Variants in RNF38 observed in about 807,000 individuals in gnomAD.
The protein encoded by RNF38 is E3 ubiquitin-protein ligase RNF38.
RNF38 carries 15 observed loss-of-function variants against 67.2 expected under a neutral mutation model. The ratio of observed to expected loss-of-function variants is 0.22; its 90% CI spans 0.15 to 0.34. The LOEUF (loss-of-function observed/expected upper bound fraction) is 0.34, where lower values mean the gene tolerates loss of function less well. Ranked by LOEUF, RNF38 falls within the 10% of genes least tolerant of loss-of-function variation. RNF38 has a pLI of 1.00. For missense variants in RNF38, 524 were observed against 639.9 expected, an observed-to-expected ratio of 0.82 and a Z score of 1.95; for synonymous variants, 220 against 218.8, an observed-to-expected ratio of 1.01 and a Z score of -0.05.
intron 2 of RNF38, among the ~76,000 whole-genome samples, chr9:36,382,048 A>C (rs148044961): frequency 9.2e-4 from 140 of 152,344 alleles, no homozygotes; most frequent in African/African-American, 3.0e-3. Flanking sequence ...TGTCATCTCT[A>C]CTATTATCCC....
intron 2 of RNF38, among the ~76,000 whole-genome samples, chr9:36,416,095 G>A (rs977238702): frequency 3.3e-5 from 5 of 150,502 alleles, no homozygotes; most frequent in African/African-American, 1.2e-4. Context: ...TTTGTTTTAC[G>A]CTACCAGGGC....
chr9:36,353,657 C>G (rs1014538598), intron 6 of RNF38, among the ~76,000 whole-genome samples: 3 of 152,094 alleles, frequency 2.0e-5, no homozygotes, highest in African/African-American at 7.2e-5. Flanking sequence ...ATTAAAATTA[C>G]TTTTTCAGTC....
rs75067304 is a variant in RNF38, at chr9:36,368,481, A to G, written c.570+1238T>C. On this transcript the variant is annotated intron_variant, in intron 4 of 11. Transcript: ENST00000259605. The stretch of plus-strand genomic sequence containing the variant: ...GTCCTATATACATACACTCATATAC[A>G]TATTAATTATGCTTTACAAAATGGG... 1.3e-4 allele frequency among the ~76,000 whole-genome samples: 20 copies of G among 152,198 alleles called. No homozygotes were observed. The East Asian group carries it at 1.7e-3, about 13-fold the overall frequency.
At chr9:36,390,144 C>T (rs1307875071) in intron 2 of RNF38, among the ~76,000 whole-genome samples, 2 of 152,094 alleles carry the variant, frequency 1.3e-5, no homozygotes, top group Middle Eastern at 3.2e-3. Context: ...TTTTCCTTTC[C>T]TACACAACTT....
chr9:36,345,030 G>T, intron 9 of RNF38, 77 bp from the exon 10 acceptor site: 1 of 1,486,512 alleles, frequency 6.7e-7, no homozygotes, highest in Admixed American at 1.9e-5. Flanking sequence ...TTAAGAGATG[G>T]AGTCCTGCTA....
intron 2 of RNF38, among the ~76,000 whole-genome samples, chr9:36,422,895 A>C (rs1208407358): frequency 6.6e-6 from 1 of 152,220 alleles, no homozygotes; most frequent in Non-Finnish European, 1.5e-5. Flanking sequence ...TACCTGGCAA[A>C]GGTAGACAAA....
At chr9:36,366,689 T>A (rs1834994373) in intron 4 of RNF38, among the ~76,000 whole-genome samples, 1 of 152,216 alleles carries the variant, frequency 6.6e-6, no homozygotes. Context: ...GTGGTAATAG[T>A]CAGCATCCTG....
intron 1 of RNF38, among the ~76,000 whole-genome samples, chr9:36,435,108 G>A (rs951511269): frequency 9.2e-5 from 14 of 152,146 alleles, no homozygotes; most frequent in Middle Eastern, 3.2e-3. Context: ...GAAAAAAGTG[G>A]GGACTGGCGG....
intron 1 of RNF38, among the ~76,000 whole-genome samples, chr9:36,467,664 A>C (rs1839896507): frequency 6.6e-6 from 1 of 152,150 alleles, no homozygotes; most frequent in South Asian, 2.1e-4. Context: ...CTTTTTCAAC[A>C]ATTAATGTAC....
chr9:36,346,680 G>T (rs1295755147), intron 9 of RNF38, among the ~76,000 whole-genome samples: 3 of 32,888 alleles, frequency 9.1e-5, no homozygotes, highest in Non-Finnish European at 2.1e-4. Context: ...TTCCCCAAAT[G>T]TCAACAGTTA....
At chr9:36,391,611 ACTT>A (rs1289290215) in intron 1 of RNF38, among the ~76,000 whole-genome samples, 2 of 138,236 alleles carry the variant, frequency 1.4e-5, no homozygotes, top group African/African-American at 5.4e-5. Context: ...ATCGTTTCCT[ACTT>A]TTTTTTTTTT....
chr9:36,467,704 G>A (rs1449486302), intron 1 of RNF38, among the ~76,000 whole-genome samples: 1 of 152,052 alleles, frequency 6.6e-6, no homozygotes, highest in Non-Finnish European at 1.5e-5. Context: ...ATACACAAAT[G>A]CCTGCGCCTC....
At chr9:36,358,993 A>G (rs909615980) in intron 4 of RNF38, among the ~76,000 whole-genome samples, 2 of 152,174 alleles carry the variant, frequency 1.3e-5, no homozygotes, top group African/African-American at 4.8e-5. Flanking sequence ...CCTGGGCGAC[A>G]AGAAAACTAA....
intron 2 of RNF38, among the ~76,000 whole-genome samples, chr9:36,411,176 CT>C (rs1838317224): frequency 6.9e-6 from 1 of 145,860 alleles, no homozygotes; most frequent in African/African-American, 2.5e-5. Flanking sequence ...AAAAAAAAAC[CT>C]GATTAAAAAA....
chr9:36,398,083 A>G (rs554947175), intron 1 of RNF38, among the ~76,000 whole-genome samples: 63 of 152,366 alleles, frequency 4.1e-4, no homozygotes, highest in Middle Eastern at 3.4e-3. Context: ...AATAACAATC[A>G]TAATTCAAAT....
intron 2 of RNF38, among the ~76,000 whole-genome samples, chr9:36,416,198 G>A (rs13294723): frequency 1.4e-5 from 2 of 146,102 alleles, no homozygotes; most frequent in East Asian, 2.1e-4. Context: ...GGGAGGGGGA[G>A]GGGGTGGGAG....
In RNF38 at chr9:36,438,694, A is replaced by G. The variant is rs1839125267; in HGVS notation, n.242-14011T>C. On this transcript the variant is annotated intron_variant and non_coding_transcript_variant, in intron 1 of 3. Coordinates refer to the RNF38 transcript ENST00000488058. ...GCACACTCAGGCATTTACTTATACA[A>G]AGCTAAAAAGGGAGTGGGATGACAA... is the stretch of plus-strand genomic sequence containing the variant. Among the ~76,000 whole-genome samples the G allele has an allele frequency of 2.6e-5, 4 of 152,274 alleles. No individual in the cohort carries two copies. The South Asian group carries it at 8.3e-4, about 32-fold the overall frequency.
intron 2 of RNF38, among the ~76,000 whole-genome samples, chr9:36,386,839 G>GT (rs1443503515): frequency 3.9e-5 from 6 of 152,182 alleles, no homozygotes; most frequent in Admixed American, 3.3e-4. Flanking sequence ...GTCTTGCTCT[G>GT]TTGCCCAGGC....
At chr9:36,374,283 T>A (rs1490134795) in intron 3 of RNF38, among the ~76,000 whole-genome samples, 1 of 152,242 alleles carries the variant, frequency 6.6e-6, no homozygotes, top group Non-Finnish European at 1.5e-5. Flanking sequence ...CCCTTCTGCA[T>A]TAGCCCGCTC....
Sources: gnomAD v4.1 joint callset for allele counts (sites outside exome capture counted in the v4.1 genomes callset) on GRCh38, gnomAD v4.1.1 for gene constraint, MANE v1.5 for transcripts, NCBI Gene and HGNC (gene_info 2026-07-23, HGNC 2026-07-21) for gene names.